The following LRRTM4 variants were observed in gnomAD, a reference collection of about 807,000 sequenced individuals.
LRRTM4 encodes the protein leucine-rich repeat transmembrane neuronal protein 4.
LRRTM4 carries 25 observed loss-of-function variants against 47.6 expected under a neutral mutation model. That is an observed-to-expected ratio of 0.53 (90% confidence interval 0.38 to 0.73). The LOEUF is 0.73. Ranked by LOEUF, LRRTM4 falls within the 30% of genes least tolerant of loss-of-function variation. The probability of loss-of-function intolerance (pLI) is 0.00; values close to 1 mark genes in which losing one functional copy is unlikely to be tolerated. For missense variants in LRRTM4, 638 were observed against 713.4 expected (o/e 0.89, Z 1.20); for synonymous variants, 311 against 269.5 (o/e 1.15, Z -1.51).
chr2:76,976,038 T>C (rs191713123), intron 3 of LRRTM4, among the ~76,000 whole-genome samples: 1 of 151,922 alleles, frequency 6.6e-6, no homozygotes, highest in Non-Finnish European at 1.5e-5. Flanking sequence ...TATTGAATTA[T>C]AACTTTCCTT....
intron 3 of LRRTM4, among the ~76,000 whole-genome samples, chr2:76,831,268 A>C (rs987579688): frequency 1.2e-4 from 19 of 152,200 alleles, no homozygotes; most frequent in African/African-American, 4.6e-4. Context: ...ATACATATAG[A>C]CTTTGCAACT....
intron 3 of LRRTM4, among the ~76,000 whole-genome samples, chr2:77,253,853 C>G (rs935435177): frequency 4.6e-5 from 7 of 151,966 alleles, no homozygotes; most frequent in Non-Finnish European, 8.8e-5. Flanking sequence ...GAAAGCAAAG[C>G]CTCAGGAATC....
chr2:76,886,468 C>A (rs2104130753), intron 3 of LRRTM4, among the ~76,000 whole-genome samples: 1 of 152,044 alleles, frequency 6.6e-6, no homozygotes, highest in East Asian at 1.9e-4. Context: ...ATGATTAGAA[C>A]CTTTATAAAA....
chr2:77,447,972 T>C (rs767623780), intron 3 of LRRTM4, among the ~76,000 whole-genome samples: 9 of 152,134 alleles, frequency 5.9e-5, no homozygotes, highest in African/African-American at 1.9e-4. Flanking sequence ...CCTTTTTATA[T>C]AAAAAGCAGA....
At chr2:77,412,822 T>C (rs1053031065) in intron 3 of LRRTM4, among the ~76,000 whole-genome samples, 1 of 152,230 alleles carries the variant, frequency 6.6e-6, no homozygotes. Flanking sequence ...TATTGGATAG[T>C]AAATTTAAAT....
At chr2:77,080,807 AT>A in intron 3 of LRRTM4, among the ~76,000 whole-genome samples, 1 of 152,318 alleles carries the variant, frequency 6.6e-6, no homozygotes, top group East Asian at 1.9e-4. Context: ...GTACTTAACA[AT>A]GCCTATAAAG....
At chr2:77,258,520 T>C (rs1675830363) in intron 3 of LRRTM4, among the ~76,000 whole-genome samples, 1 of 152,108 alleles carries the variant, frequency 6.6e-6, no homozygotes. Context: ...ACCCTGAATA[T>C]ATAATACCTG....
chr2:77,096,099 T>C (rs1670804661), intron 3 of LRRTM4, among the ~76,000 whole-genome samples: 1 of 152,062 alleles, frequency 6.6e-6, no homozygotes, highest in Non-Finnish European at 1.5e-5. Context: ...CTTTTTACAA[T>C]GTATGCATAG....
At chr2:77,268,202 G>A (rs977216500) in intron 3 of LRRTM4, among the ~76,000 whole-genome samples, 4 of 152,010 alleles carry the variant, frequency 2.6e-5, no homozygotes, top group Non-Finnish European at 5.9e-5. Flanking sequence ...ATGCCCACTA[G>A]ACATGTGCAG....
chr2:77,019,634 T>C (rs955333685), intron 3 of LRRTM4, among the ~76,000 whole-genome samples: 1 of 152,102 alleles, frequency 6.6e-6, no homozygotes, highest in Admixed American at 6.6e-5. Context: ...AACCAAGTGA[T>C]AAAAATTACA....
At chr2:77,048,587 T>A (rs1444993217) in intron 3 of LRRTM4, among the ~76,000 whole-genome samples, 2 of 152,018 alleles carry the variant, frequency 1.3e-5, no homozygotes, top group African/African-American at 4.8e-5. Flanking sequence ...TTTGAATACA[T>A]TTACTTTTGA....
At chr2:77,079,907 T>A (rs1329190948) in intron 3 of LRRTM4, among the ~76,000 whole-genome samples, 1 of 152,090 alleles carries the variant, frequency 6.6e-6, no homozygotes, top group Non-Finnish European at 1.5e-5. Flanking sequence ...TAATTTTATA[T>A]ATACATTTTA....
At position 77,313,149 on chromosome 2, in the gene LRRTM4, G is replaced by A. The variant is rs191844625; in HGVS notation, c.1551+205169C>T. 5.5e-5 allele frequency among the ~76,000 whole-genome samples: 8 copies of A among 146,316 alleles called. No homozygotes were observed. The South Asian group carries it at 1.5e-3, about 27-fold the overall frequency. ...GGATGTGCCTCCCTATGTTTTCCTG[G>A]GACCTGTTGCTGTGACGTGCCTCCC... On this transcript the variant is annotated intron_variant, in intron 3 of 3. Coordinates refer to ENST00000409884, the MANE Select transcript of LRRTM4 (RefSeq NM_001134745.3).
chr2:77,237,065 C>A (rs1320896075), intron 3 of LRRTM4, among the ~76,000 whole-genome samples: 1 of 151,542 alleles, frequency 6.6e-6, no homozygotes, highest in African/African-American at 2.4e-5. Context: ...ATTCCCTCCT[C>A]CTCCTTGATT....
In LRRTM4 at chr2:77,521,836, GCAA is replaced by G; in HGVS notation, c.-147-21_-147-19del. 1.4e-5 allele frequency: 3 copies of G among 212,004 alleles called. No homozygotes were observed. Among genetic ancestry groups the G allele is most frequent in the South Asian group, 2.6e-4 (2 of 7,582 alleles). 13.1% of individuals were successfully genotyped at this position (212,004 alleles called of 1,614,324 possible). A position where few individuals can be genotyped will look rare whatever the true frequency, so the allele number is the denominator to read the frequency against. On this transcript the variant is annotated intron_variant, in intron 1 of 3. Transcript: ENST00000409884. ...CATACAAACTTCCCCGAGAGGACAGGCAAAAAAAAAAAAAAAAAATACATATAT... is the reference window on the plus strand; with the variant it reads ...CATACAAACTTCCCCGAGAGGACAGGAAAAAAAAAAAAAAAATACATATAT...
At chr2:76,822,703 A>C (rs983096185) in intron 3 of LRRTM4, among the ~76,000 whole-genome samples, 12 of 151,474 alleles carry the variant, frequency 7.9e-5, no homozygotes, top group Admixed American at 5.9e-4. Flanking sequence ...CAGAAAATAT[A>C]AATAAGATCA....
intron 3 of LRRTM4, among the ~76,000 whole-genome samples, chr2:77,105,104 T>C (rs1671061198): frequency 1.3e-5 from 2 of 151,690 alleles, no homozygotes; most frequent in Admixed American, 6.6e-5. Flanking sequence ...ACCATTTAGA[T>C]TAAGAGAACA....
intron 3 of LRRTM4, among the ~76,000 whole-genome samples, chr2:77,015,346 CT>C (rs563580385): frequency 6.6e-6 from 1 of 151,674 alleles, no homozygotes; most frequent in South Asian, 2.1e-4. Flanking sequence ...ATTTATTTAT[CT>C]TTTTTTTGAG....
intron 3 of LRRTM4, among the ~76,000 whole-genome samples, chr2:77,104,831 G>A (rs1029770088): frequency 6.6e-6 from 1 of 152,124 alleles, no homozygotes; most frequent in East Asian, 1.9e-4. Context: ...TCAGGGCAAG[G>A]CCCCATACTG....
Sources: allele counts gnomAD v4.1 joint callset (sites outside exome capture counted in the v4.1 genomes callset), GRCh38; gene constraint gnomAD v4.1.1; transcripts MANE v1.5; gene names NCBI Gene and HGNC (gene_info 2026-07-23, HGNC 2026-07-21).